The following UMAD1 variants were observed in gnomAD, a reference collection of about 807,000 sequenced individuals.
UMAD1 encodes the protein UBAP1-MVB12-associated (UMA) domain containing 1.
Under a neutral mutation model 6.1 loss-of-function variants are expected in UMAD1, and 8 were observed. That is an observed-to-expected ratio of 1.30 (90% confidence interval 0.76 to 2.35). UMAD1 has a LOEUF of 2.35. Among genes scored for constraint, UMAD1 ranks in the 30% most tolerant of loss-of-function variants. The probability of loss-of-function intolerance (pLI) is 0.00; values close to 1 mark genes in which losing one functional copy is unlikely to be tolerated. For missense variants in UMAD1, 130 were observed against 78.4 expected (o/e 1.66, Z -2.49); for synonymous variants, 56 against 31.4 (o/e 1.78, Z -2.61).
intron 2 of UMAD1, among the ~76,000 whole-genome samples, chr7:7,703,821 A>G (rs529546722): frequency 6.6e-6 from 1 of 152,222 alleles, no homozygotes; most frequent in South Asian, 2.1e-4. Context: ...GTGCCCCTGT[A>G]GTCCCAGCTA....
intron 1 of UMAD1, among the ~76,000 whole-genome samples, chr7:7,662,019 A>G (rs1387958820): frequency 6.6e-6 from 1 of 152,120 alleles, no homozygotes; most frequent in Non-Finnish European, 1.5e-5. Context: ...GAGAGGAGGA[A>G]TCTAGAGAGG....
At chr7:7,677,634 C>G (rs1388592212) in intron 2 of UMAD1, among the ~76,000 whole-genome samples, 1 of 149,724 alleles carries the variant, frequency 6.7e-6, no homozygotes, top group Non-Finnish European at 1.5e-5. Flanking sequence ...ATATGTACCA[C>G]ATTTTCTTTA....
At chr7:7,720,951 G>A (rs905918898) in intron 2 of UMAD1, among the ~76,000 whole-genome samples, 6 of 152,186 alleles carry the variant, frequency 3.9e-5, no homozygotes, top group African/African-American at 1.2e-4. Context: ...TCATTGGAGT[G>A]GGCCCTCCTC....
At chr7:7,825,322 A>G (rs1783318826) in intron 3 of UMAD1, among the ~76,000 whole-genome samples, 1 of 152,140 alleles carries the variant, frequency 6.6e-6, no homozygotes, top group Non-Finnish European at 1.5e-5. Context: ...TTTTATTTTT[A>G]CAGAAACTTT....
intron 2 of UMAD1, among the ~76,000 whole-genome samples, chr7:7,730,913 A>G (rs1177570429): frequency 6.6e-6 from 1 of 152,188 alleles, no homozygotes; most frequent in Non-Finnish European, 1.5e-5. Flanking sequence ...GGCTTTGTAT[A>G]TTACACTAAA....
At chr7:7,772,263 T>G in intron 2 of UMAD1, 1 of 152,204 alleles carries the variant, frequency 6.6e-6, no homozygotes. Context: ...TGGAGAGCCT[T>G]AAAACACAAG....
chr7:7,850,414 C>T (rs898277540), intron 3 of UMAD1, among the ~76,000 whole-genome samples: 73 of 152,184 alleles, frequency 4.8e-4, no homozygotes, highest in African/African-American at 1.7e-3. Flanking sequence ...AATTTTGCAT[C>T]GTTCCTTTTT....
chr7:7,702,494 A>T (rs1482094657), intron 2 of UMAD1, among the ~76,000 whole-genome samples: 2 of 152,218 alleles, frequency 1.3e-5, no homozygotes, highest in Non-Finnish European at 2.9e-5. Flanking sequence ...TAGCTTTTAT[A>T]TAAAATTCAG....
At chr7:7,671,364 G>A (rs912065096) in intron 1 of UMAD1, among the ~76,000 whole-genome samples, 2 of 152,116 alleles carry the variant, frequency 1.3e-5, no homozygotes, top group African/African-American at 4.8e-5. Context: ...CACACCCTTA[G>A]TCTCTTTTTT....
At chr7:7,780,500 A>T (rs1396239526) in intron 2 of UMAD1, among the ~76,000 whole-genome samples, 1 of 152,222 alleles carries the variant, frequency 6.6e-6, no homozygotes. Context: ...CTATTGATGA[A>T]TAGCATACAT....
chr7:7,835,631 A>G (rs1435797364), intron 3 of UMAD1, among the ~76,000 whole-genome samples: 2 of 151,858 alleles, frequency 1.3e-5, no homozygotes, highest in Admixed American at 6.6e-5. Context: ...AGAAAACACA[A>G]TAGTATGCTA....
chr7:7,822,509 G>A (rs79580299), intron 3 of UMAD1, among the ~76,000 whole-genome samples: 4,457 of 151,978 alleles, frequency 0.029, 132 homozygotes, highest in African/African-American at 0.067. Context: ...TGATGAATAA[G>A]GGCTCTTTTT....
chr7:7,859,827 A>G (rs1242906946), intron 3 of UMAD1, among the ~76,000 whole-genome samples: 2 of 152,202 alleles, frequency 1.3e-5, no homozygotes, highest in Admixed American at 1.3e-4. Context: ...CCATTAATCA[A>G]CTTTTCTGTT....
intron 2 of UMAD1, among the ~76,000 whole-genome samples, chr7:7,753,204 T>C (rs1781711369): frequency 6.6e-6 from 1 of 152,226 alleles, no homozygotes; most frequent in Non-Finnish European, 1.5e-5. Context: ...GATACAGGCA[T>C]ACATTGTGTA....
intron 2 of UMAD1, among the ~76,000 whole-genome samples, chr7:7,683,600 T>C (rs1469407350): frequency 6.6e-6 from 1 of 152,070 alleles, no homozygotes; most frequent in Non-Finnish European, 1.5e-5. Context: ...TACATGATCC[T>C]ATGAAATGAA....
intron 2 of UMAD1, among the ~76,000 whole-genome samples, chr7:7,756,230 A>T (rs1452060256): frequency 6.6e-6 from 1 of 152,230 alleles, no homozygotes; most frequent in African/African-American, 2.4e-5. Context: ...TGGAGTTATC[A>T]TGAAATCAGA....
rs137865515 is a variant in UMAD1, at chr7:7,667,293, T to C, written c.-63-6016T>C. Among the ~76,000 whole-genome samples, 23 of 152,284 alleles carry C rather than the reference T, an allele frequency of 1.5e-4. No individual in the cohort carries two copies. In the East Asian group the frequency reaches 2.5e-3, roughly 17 times the overall value. On this transcript the variant is annotated intron_variant, in intron 1 of 3. Transcript: ENST00000682710. ...TGTAAAATTTGCTCATTGTAGACAA[T>C]TGAAAAAAATACTGAAAACTACAGA...
At chr7:7,767,328 T>C (rs1251630980) in intron 2 of UMAD1, among the ~76,000 whole-genome samples, 2 of 152,080 alleles carry the variant, frequency 1.3e-5, no homozygotes, top group Admixed American at 6.6e-5. Context: ...GGTTTCACCA[T>C]GTTAGCCAGG....
intron 2 of UMAD1, among the ~76,000 whole-genome samples, chr7:7,760,024 C>G (rs1029438617): frequency 3.9e-5 from 6 of 152,072 alleles, no homozygotes. Context: ...CCAAAGAGAC[C>G]CTGGCTTACA....
Sources: gnomAD v4.1 joint callset for allele counts (sites outside exome capture counted in the v4.1 genomes callset) on GRCh38, gnomAD v4.1.1 for gene constraint, MANE v1.5 for transcripts, NCBI Gene and HGNC (gene_info 2026-07-23, HGNC 2026-07-21) for gene names.